CAPNS1: variants seen among roughly 807,000 people sequenced by gnomAD.
The protein encoded by CAPNS1 is CANP small subunit.
A neutral mutation model predicts 39.2 loss-of-function variants in CAPNS1; 32 were observed. The ratio of observed to expected loss-of-function variants is 0.82; its 90% CI spans 0.62 to 1.10. CAPNS1 has a LOEUF of 1.10. CAPNS1 is among the 50% of genes least tolerant of loss of function. CAPNS1 has a pLI of 0.00. For missense variants in CAPNS1, 353 were observed against 373.1 expected (o/e 0.95, Z 0.44); for synonymous variants, 153 against 136.2 (o/e 1.12, Z -0.86).
intron 2 of CAPNS1, 105 bp from the exon 3 acceptor site, chr19:36,142,195 G>A (rs1345423228): frequency 1.9e-5 from 15 of 793,068 alleles, no homozygotes; most frequent in Non-Finnish European, 1.6e-5. Context: ...ACCAAGTAAG[G>A]AAGATAACGG....
intron 2 of CAPNS1, 109 bp downstream of exon 2, chr19:36,141,329 C>T: frequency 7.2e-7 from 1 of 1,395,150 alleles, no homozygotes; most frequent in Non-Finnish European, 9.3e-7. Context: ...AACCTGGAGG[C>T]TAACCTGGGT....
rs1325769113 is a variant in CAPNS1 at position 36,149,850 on chromosome 19, C to G, written c.*11C>G. ...ACTATGTATTCCTGAACTGGAGCCC[C>G]AGACCCGCCCCCTCACTGCCTTGCT... On this transcript the variant is annotated 3_prime_UTR_variant, in exon 11 of 11. Coordinates refer to ENST00000246533, the MANE Select transcript of CAPNS1 (RefSeq NM_001749.4). The G allele has an allele frequency of 6.9e-6, 10 of 1,447,720 alleles. No individual in the cohort carries two copies. Among genetic ancestry groups the G allele is most frequent in the Non-Finnish European group, 9.1e-6 (10 of 1,093,368 alleles). The allele number at this position is 1,447,720 out of a possible 1,614,324, so 89.7% of individuals were successfully genotyped here.
At chr19:36,143,974 G>A (rs1974473899) in intron 6 of CAPNS1, 1 of 151,198 alleles carries the variant, frequency 6.6e-6, no homozygotes, top group Non-Finnish European at 1.5e-5. Flanking sequence ...AGGAGATCGA[G>A]ACCATCCTGG....
chr19:36,142,582 G>A, intron 3 of CAPNS1, 70 bp from the exon 4 acceptor site: 2 of 1,259,208 alleles, frequency 1.6e-6, no homozygotes, highest in Non-Finnish European at 1.2e-6. Flanking sequence ...CCCACCCAGG[G>A]TACCTGGGTT....
At chr19:36,142,844 A>G (rs1974428716) in intron 4 of CAPNS1, 65 bp from the exon 5 acceptor site, 6 of 1,596,532 alleles carry the variant, frequency 3.8e-6, no homozygotes, top group Non-Finnish European at 5.2e-6. Flanking sequence ...CAGTGTTCCC[A>G]TTCTCCATGA....
intron 3 of CAPNS1, 49 bp from the exon 4 acceptor site, chr19:36,142,603 T>C (rs1001134137): frequency 6.5e-7 from 1 of 1,535,208 alleles, no homozygotes; most frequent in East Asian, 2.2e-5. Flanking sequence ...TGGGGAGCCG[T>C]CCTGGCCGGG....
chr19:36,142,414 C>A, intron 3 of CAPNS1, 81 bp downstream of exon 3: 1 of 739,398 alleles, frequency 1.4e-6, no homozygotes, highest in Non-Finnish European at 2.4e-6. Context: ...AGAGAAGCCC[C>A]ACCTTCCTCC....
chr19:36,146,988 G>C (rs1474471881), intron 9 of CAPNS1, among the ~76,000 whole-genome samples: 1 of 152,150 alleles, frequency 6.6e-6, no homozygotes, highest in Admixed American at 6.5e-5. Context: ...GGGAGTACAG[G>C]CACACACCGC....
Position 36,142,328 on chromosome 19 carries a change from C to T in CAPNS1, c.238C>T (p.Pro80Ser). ...GGCGGCTGCGCAGTACAACCCGGAG[C>T]CCCCGGTAAGCCCCCTCTGCAACCA... Reference protein sequence around the residue: ...SEAAAQYNPEPPPPRTHYSNI... With the variant: ...SEAAAQYNPESPPPRTHYSNI... The change falls in exon 3 of 11, where the codon CCC becomes TCC. Residue 80 changes from proline (P) to serine (S), a missense_variant. Pro to Ser is a moderately conservative substitution (Grantham distance 74). Coordinates refer to ENST00000246533, the MANE Select transcript of CAPNS1 (RefSeq NM_001749.4). The T allele has an allele frequency of 1.3e-6, 2 of 1,542,920 alleles. No homozygotes were observed. The highest frequency in any genetic ancestry group is 1.9e-5 in the Admixed American group (1 of 53,098).
At chr19:36,142,223 G>A in intron 2 of CAPNS1, 77 bp from the exon 3 acceptor site, 4 of 866,030 alleles carry the variant, frequency 4.6e-6, no homozygotes, top group Middle Eastern at 2.3e-4. Flanking sequence ...CTGGAGCGTT[G>A]GGGCTGATGG....
At chr19:36,148,261 A>C (rs1251306998) in intron 9 of CAPNS1, 1 of 151,722 alleles carries the variant, frequency 6.6e-6, no homozygotes, top group Non-Finnish European at 1.5e-5. Flanking sequence ...TACCAGCAAG[A>C]AGGCTGATAG....
At chr19:36,142,436 A>T (rs1299771808) in intron 3 of CAPNS1, 103 bp downstream of exon 3, 2 of 711,922 alleles carry the variant, frequency 2.8e-6, no homozygotes, top group Non-Finnish European at 4.9e-6. Context: ...CTTCTTGTGA[A>T]ATTCCTCTGC....
chr19:36,146,381 A>G (rs1599882529), intron 9 of CAPNS1, 69 bp downstream of exon 9: 1 of 1,002,148 alleles, frequency 1.0e-6, no homozygotes, highest in East Asian at 2.4e-5. Flanking sequence ...GGTCTCCTCT[A>G]AGCCTGACTT....
chr19:36,149,701 G>C (rs1974704355), intron 10 of CAPNS1, 65 bp downstream of exon 10: 3 of 1,594,926 alleles, frequency 1.9e-6, no homozygotes, highest in East Asian at 2.3e-5. Context: ...CTTCATACCA[G>C]CTCTGAGCTG....
At chr19:36,142,855 C>A in intron 4 of CAPNS1, 54 bp from the exon 5 acceptor site, 1 of 1,601,554 alleles carries the variant, frequency 6.2e-7, no homozygotes, top group Non-Finnish European at 8.6e-7. Flanking sequence ...TTCTCCATGA[C>A]ATTCTCAGAC....
intron 9 of CAPNS1, among the ~76,000 whole-genome samples, chr19:36,147,533 G>A (rs555630710): frequency 4.6e-5 from 7 of 152,282 alleles, no homozygotes; most frequent in Middle Eastern, 3.4e-3. Context: ...TTGGGAGGCC[G>A]AGGAGGGCGG....
Position 36,150,019 on chromosome 19 carries a change from C to A in CAPNS1, c.*180C>A. ...AACATCCAGGGCCCAATTTGCCCTG[C>A]CTGGAGTTCCCCCTGGCTCTAGGAC... On this transcript the variant is annotated 3_prime_UTR_variant, in exon 11 of 11. Transcript: ENST00000246533. 1 of 497,376 alleles carries A rather than the reference C, an allele frequency of 2.0e-6. No homozygotes were observed. The highest frequency in any genetic ancestry group is 3.3e-6 in the Non-Finnish European group (1 of 301,668). The allele number at this position is 497,376 out of a possible 1,614,324, so 30.8% of individuals were successfully genotyped here. A position where few individuals can be genotyped will look rare whatever the true frequency, so the allele number is the denominator to read the frequency against.
intron 9 of CAPNS1, among the ~76,000 whole-genome samples, chr19:36,146,599 A>G (rs1974576183): frequency 1.3e-5 from 2 of 152,188 alleles, no homozygotes. Context: ...GGTGAGGGGA[A>G]GAGTGAGCAG....
intron 2 of CAPNS1, chr19:36,141,435 T>TA (rs1974370736): frequency 5.3e-6 from 7 of 1,315,486 alleles, no homozygotes; most frequent in Non-Finnish European, 6.7e-6. Context: ...CGGTGCTTGA[T>TA]ATGGGAGTAG....
Sources: gnomAD v4.1 joint callset for allele counts (sites outside exome capture counted in the v4.1 genomes callset) on GRCh38, gnomAD v4.1.1 for gene constraint, MANE v1.5 for transcripts, NCBI Gene and HGNC (gene_info 2026-07-23, HGNC 2026-07-21) for gene names.